Variants in MECOM observed in about 807,000 individuals in gnomAD.
The protein encoded by MECOM is histone-lysine N-methyltransferase MECOM.
Under a neutral mutation model 116.3 loss-of-function variants are expected in MECOM, and 13 were observed. The observed-to-expected ratio is 0.11, with a 90% CI of 0.07 to 0.18. The LOEUF (loss-of-function observed/expected upper bound fraction) is 0.18. Among genes scored for constraint, MECOM ranks in the 10% least tolerant of loss-of-function variants. The pLI, the probability that MECOM is intolerant of heterozygous loss-of-function variation, is 1.00. For synonymous variants in MECOM, 528 were observed against 535.2 expected (o/e 0.99, Z 0.19); for missense variants, 1,299 against 1,509.0 (o/e 0.86, Z 2.31).
At position 169,412,726 on chromosome 3, in the gene MECOM, A is replaced by G. The variant is rs1737759704; in HGVS notation, c.38-31202T>C. Among the ~76,000 whole-genome samples, 3 of 152,230 alleles carry G rather than the reference A, an allele frequency of 2.0e-5. No individual in the cohort carries two copies. In the South Asian group the frequency reaches 6.2e-4, roughly 32 times the overall value. On this transcript the variant is annotated intron_variant, in intron 1 of 16. Transcript: ENST00000651503. ...TGAGTCAGGTGTGAAGAACATTAGG[A>G]ATATTATGATCTAAATAATATAATA...
chr3:169,414,084 C>A (rs1738087355), intron 1 of MECOM, among the ~76,000 whole-genome samples: 1 of 152,184 alleles, frequency 6.6e-6, no homozygotes, highest in Admixed American at 6.5e-5. Context: ...CCCCGTGCCT[C>A]CTGAGAGGGA....
intron 2 of MECOM, among the ~76,000 whole-genome samples, chr3:169,318,109 C>T (rs1421518108): frequency 1.3e-5 from 2 of 152,148 alleles, no homozygotes; most frequent in Admixed American, 6.6e-5. Context: ...ACACCTTACA[C>T]AAAGATTAAC....
At chr3:169,307,479 G>A (rs976722755) in intron 2 of MECOM, among the ~76,000 whole-genome samples, 1 of 152,082 alleles carries the variant, frequency 6.6e-6, no homozygotes, top group Non-Finnish European at 1.5e-5. Context: ...GAGGCTGAGA[G>A]GATTGCTTGA....
intron 1 of MECOM, among the ~76,000 whole-genome samples, chr3:169,517,533 A>T (rs917412752): frequency 1.4e-4 from 21 of 152,222 alleles, no homozygotes; most frequent in Non-Finnish European, 3.1e-4. Flanking sequence ...TCTAGGGCTT[A>T]TGCATTAGAC....
At chr3:169,637,479 C>G (rs1042964443) in intron 1 of MECOM, among the ~76,000 whole-genome samples, 11 of 152,320 alleles carry the variant, frequency 7.2e-5, no homozygotes, top group African/African-American at 2.4e-4. Flanking sequence ...AAAGATGACT[C>G]TGGGGTCCCA....
intron 2 of MECOM, among the ~76,000 whole-genome samples, chr3:169,208,538 A>C (rs7622077): frequency 0.99 from 150,046 of 151,710 alleles, 74,205 homozygotes; most frequent in East Asian, 1. Flanking sequence ...ATAGATATCC[A>C]AAACTAGTAA....
chr3:169,658,290 A>G (rs926515714), intron 1 of MECOM, among the ~76,000 whole-genome samples: 1 of 152,192 alleles, frequency 6.6e-6, no homozygotes, highest in African/African-American at 2.4e-5. Context: ...TGGCATCATC[A>G]GAGTGTAACT....
chr3:169,124,963 A>C (rs1732339410), intron 5 of MECOM, among the ~76,000 whole-genome samples: 1 of 152,102 alleles, frequency 6.6e-6, no homozygotes, highest in Non-Finnish European at 1.5e-5. Context: ...CTGGGAGTAT[A>C]TGTAAGAAAA....
chr3:169,367,988 T>C (rs1458106969), intron 2 of MECOM, among the ~76,000 whole-genome samples: 1 of 152,072 alleles, frequency 6.6e-6, no homozygotes, highest in Admixed American at 6.6e-5. Context: ...CAAGCATCTT[T>C]TTTAAACAAA....
intron 1 of MECOM, among the ~76,000 whole-genome samples, chr3:169,440,095 G>A (rs1396014768): frequency 6.6e-6 from 1 of 152,134 alleles, no homozygotes; most frequent in African/African-American, 2.4e-5. Context: ...TGCACATAGA[G>A]AGATAAAATA....
intron 1 of MECOM, among the ~76,000 whole-genome samples, chr3:169,463,628 T>G (rs948063750): frequency 9.2e-5 from 14 of 152,206 alleles, no homozygotes; most frequent in African/African-American, 3.1e-4. Flanking sequence ...GAACTTTTCA[T>G]TTAGATGATG....
At chr3:169,485,937 ATATGTATGTATATATG>A (rs1752176502) in intron 1 of MECOM, among the ~76,000 whole-genome samples, 8 of 70,136 alleles carry the variant, frequency 1.1e-4, no homozygotes, top group Admixed American at 9.9e-4. Context: ...TATATAGTAT[ATATGTATGTATATATG>A]TACATATATA....
chr3:169,288,386 A>G lies in MECOM; in HGVS notation c.375+92801T>C, dbSNP rs1389038402. On this transcript the variant is annotated intron_variant, in intron 2 of 16. Transcript: ENST00000651503. Reference sequence around the variant, plus strand: ...TTTCTTCTTTATTCTCCAAAACACAACTTAATTTTGATTTCTTCTTTCATT... The same window carrying G: ...TTTCTTCTTTATTCTCCAAAACACAGCTTAATTTTGATTTCTTCTTTCATT... Among the ~76,000 whole-genome samples, 3 of 152,126 alleles carry G rather than the reference A, an allele frequency of 2.0e-5. No individual in the cohort carries two copies. The East Asian group carries it at 5.8e-4, about 29-fold the overall frequency.
At chr3:169,186,728 A>G (rs6444847) in intron 2 of MECOM, among the ~76,000 whole-genome samples, 64,060 of 151,914 alleles carry the variant, frequency 0.42, 15,514 homozygotes, top group African/African-American at 0.67. Context: ...ACACTTGCTA[A>G]CTAACGAACC....
At chr3:169,479,434 T>C (rs1459693882) in intron 1 of MECOM, among the ~76,000 whole-genome samples, 2 of 151,956 alleles carry the variant, frequency 1.3e-5, no homozygotes, top group East Asian at 1.9e-4. Context: ...GGCTGGAGCA[T>C]AGACAGTGGA....
chr3:169,553,337 GT>G (rs1761628802), intron 1 of MECOM, among the ~76,000 whole-genome samples: 1 of 152,098 alleles, frequency 6.6e-6, no homozygotes, highest in Non-Finnish European at 1.5e-5. Context: ...ATAGTGATAA[GT>G]GCTAAAAAAA....
intron 1 of MECOM, among the ~76,000 whole-genome samples, chr3:169,406,837 C>T (rs1412727995): frequency 7.0e-6 from 1 of 143,332 alleles, no homozygotes; most frequent in Non-Finnish European, 1.5e-5. Flanking sequence ...TATTTGGTTA[C>T]TGTTTTTTTT....
Position 169,116,252 on chromosome 3 carries a change from A to G in MECOM, c.1620T>C (p.Asp540=), listed in dbSNP as rs762706545. 2 of 1,614,160 alleles carry G rather than the reference A, an allele frequency of 1.2e-6. No individual in the cohort carries two copies. Among genetic ancestry groups the G allele is most frequent in the Non-Finnish European group, 1.7e-6 (2 of 1,180,020 alleles). ...THPQILPATQ[D]ILKALSKHPS... is the part of the protein sequence containing the mutation. ...GGTGTTTAGATAGTGCCTTCAAAATATCCTGTGTAGCTGGCAGTATCTGAG... is the reference window on the plus strand; with the variant it reads ...GGTGTTTAGATAGTGCCTTCAAAATGTCCTGTGTAGCTGGCAGTATCTGAG... The change falls in exon 8 of 17, where the codon GAT becomes GAC. Residue 540 remains aspartate (D), a synonymous_variant. Coordinates refer to ENST00000651503, the MANE Select transcript of MECOM (RefSeq NM_004991.4).
intron 1 of MECOM, among the ~76,000 whole-genome samples, chr3:169,443,010 A>G (rs1743992729): frequency 6.6e-6 from 1 of 152,150 alleles, no homozygotes; most frequent in South Asian, 2.1e-4. Context: ...TTCAGTGAAT[A>G]AACCCCTTGA....
Sources: gnomAD v4.1 joint callset for allele counts (sites outside exome capture counted in the v4.1 genomes callset) on GRCh38, gnomAD v4.1.1 for gene constraint, MANE v1.5 for transcripts, NCBI Gene and HGNC (gene_info 2026-07-23, HGNC 2026-07-21) for gene names.